SLC36A1: variants seen among roughly 807,000 people sequenced by gnomAD.
The protein encoded by SLC36A1 is solute carrier family 36 member 1.
Under a neutral mutation model 47.5 loss-of-function variants are expected in SLC36A1, and 30 were observed. That is an observed-to-expected ratio of 0.63 (90% CI 0.47 to 0.86). SLC36A1 has a LOEUF of 0.86. Among genes scored for constraint, SLC36A1 ranks in the 40% least tolerant of loss-of-function variants. The pLI, the probability that SLC36A1 is intolerant of heterozygous loss-of-function variation, is 0.00. For missense variants in SLC36A1, 517 were observed against 606.0 expected, an observed-to-expected ratio of 0.85 and a Z score of 1.54; for synonymous variants, 255 against 249.7, an observed-to-expected ratio of 1.02 and a Z score of -0.20.
chr5:151,470,199 A>G (rs926821119), intron 7 of SLC36A1, among the ~76,000 whole-genome samples: 3 of 152,328 alleles, frequency 2.0e-5, no homozygotes, highest in East Asian at 1.9e-4. Flanking sequence ...TCATGTTGTA[A>G]TTAGAACTCT....
At chr5:151,517,604 GCTGGCAGTGCCT>G in the SLC36A1 span, 1 of 1,613,550 alleles carries the variant, frequency 6.2e-7, no homozygotes, top group Non-Finnish European at 8.5e-7. Flanking sequence ...AATCTCTCAG[GCTGGCAGTGCCT>G]TACCTTCAGG....
chr5:151,371,505 T>A, the SLC36A1 span, among the ~76,000 whole-genome samples: 28 of 152,200 alleles, frequency 1.8e-4, no homozygotes, highest in South Asian at 4.1e-4. Flanking sequence ...CTTTTTTTGA[T>A]GTCACATTAT....
chr5:151,358,762 A>T, the SLC36A1 span, among the ~76,000 whole-genome samples: 1 of 151,982 alleles, frequency 6.6e-6, no homozygotes, highest in East Asian at 1.9e-4. Flanking sequence ...TCATGAGGTC[A>T]GGAGATCGAG....
chr5:151,529,493 G>T, the SLC36A1 span: 2 of 928,602 alleles, frequency 2.2e-6, no homozygotes, highest in Non-Finnish European at 3.4e-6. Context: ...GCTCAACAGG[G>T]CTAGGCAAGG....
the SLC36A1 span, among the ~76,000 whole-genome samples, chr5:151,498,856 A>G: frequency 6.6e-6 from 1 of 152,266 alleles, no homozygotes; most frequent in South Asian, 2.1e-4. Context: ...TTCAGTCAGA[A>G]CTTTACAGCT....
the SLC36A1 span, among the ~76,000 whole-genome samples, chr5:151,420,421 G>C: frequency 6.6e-6 from 1 of 152,158 alleles, no homozygotes; most frequent in Non-Finnish European, 1.5e-5. Context: ...TAGGCCTCCT[G>C]ACTCCCATAA....
the SLC36A1 span, chr5:151,366,405 T>C: frequency 1.1e-5 from 2 of 183,816 alleles, no homozygotes; most frequent in Non-Finnish European, 2.4e-5. Flanking sequence ...AAGGTGCCAG[T>C]GGAGTTTGGA....
chr5:151,488,014 C>G lies in SLC36A1; in HGVS notation c.1191C>G (p.Asp397Glu). ...CILAILIPRL[D>E]LVISLVGSVS... ...TGGCCATCCTCATCCCCCGCCTGGA[C>G]CTGGTCATCTCCCTGGTGGGCTCCG... Residue 397 changes from aspartate (D) to glutamate (E), a missense_variant, in exon 11 of 11, where the codon GAC becomes GAG. Coordinates refer to ENST00000243389, the MANE Select transcript of SLC36A1 (RefSeq NM_078483.4). 1 of 1,614,138 alleles carries G rather than the reference C, an allele frequency of 6.2e-7. No homozygotes were observed. Among genetic ancestry groups the G allele is most frequent in the Non-Finnish European group, 8.5e-7 (1 of 1,180,032 alleles).
intron 1 of SLC36A1, among the ~76,000 whole-genome samples, chr5:151,450,405 C>G (rs561084024): frequency 7.3e-5 from 11 of 151,642 alleles, no homozygotes; most frequent in African/African-American, 2.7e-4. Context: ...TGTCCACTTA[C>G]TAGCATGTAG....
At chr5:151,380,595 C>T in the SLC36A1 span, 4 of 548,976 alleles carry the variant, frequency 7.3e-6, no homozygotes, top group Non-Finnish European at 1.5e-5. Context: ...ACATCAGTTC[C>T]CTGTCCACTG....
chr5:151,502,796 T>A, the SLC36A1 span, among the ~76,000 whole-genome samples: 1 of 148,334 alleles, frequency 6.7e-6, no homozygotes, highest in Non-Finnish European at 1.5e-5. Flanking sequence ...CACAGATGTT[T>A]ATAGCAGTTG....
the SLC36A1 span, among the ~76,000 whole-genome samples, chr5:151,358,529 C>T: frequency 1.3e-5 from 2 of 152,164 alleles, no homozygotes; most frequent in African/African-American, 2.4e-5. Flanking sequence ...GCTAGGATTA[C>T]AGGTTTAGTT....
chr5:151,547,537 G>A, the SLC36A1 span, among the ~76,000 whole-genome samples: 1 of 152,186 alleles, frequency 6.6e-6, no homozygotes, highest in African/African-American at 2.4e-5. Flanking sequence ...TCAGTGGCAA[G>A]GCAAATGGCT....
chr5:151,521,672 C>T, the SLC36A1 span: 17 of 1,613,888 alleles, frequency 1.1e-5, no homozygotes, highest in Non-Finnish European at 1.3e-5. Context: ...ACCAGCTCCT[C>T]GGGGGTGAGC....
the SLC36A1 span, chr5:151,550,551 A>G: frequency 6.2e-7 from 1 of 1,607,682 alleles, no homozygotes; most frequent in Non-Finnish European, 8.5e-7. Flanking sequence ...ACACATCTAC[A>G]TGCAAACGTA....
At chr5:151,375,569 T>C in the SLC36A1 span, among the ~76,000 whole-genome samples, 1 of 152,100 alleles carries the variant, frequency 6.6e-6, no homozygotes, top group Non-Finnish European at 1.5e-5. Flanking sequence ...TCCATATAAA[T>C]TTTAAGGTTT....
At chr5:151,508,844 C>T in the SLC36A1 span, among the ~76,000 whole-genome samples, 1 of 152,112 alleles carries the variant, frequency 6.6e-6, no homozygotes, top group Non-Finnish European at 1.5e-5. Context: ...TATACACAGG[C>T]TAATAGCAAA....
the SLC36A1 span, among the ~76,000 whole-genome samples, chr5:151,539,460 T>C: frequency 6.6e-6 from 1 of 152,236 alleles, no homozygotes; most frequent in Non-Finnish European, 1.5e-5. Flanking sequence ...TGGTTGATTG[T>C]GCTAGGTATA....
chr5:151,504,643 T>C, the SLC36A1 span: 2 of 152,660 alleles, frequency 1.3e-5, no homozygotes, highest in Non-Finnish European at 2.9e-5. Flanking sequence ...AAAAATCCCA[T>C]TGAGGAAACT....
Sources: gnomAD v4.1 joint callset for allele counts (sites outside exome capture counted in the v4.1 genomes callset) on GRCh38, gnomAD v4.1.1 for gene constraint, MANE v1.5 for transcripts, NCBI Gene and HGNC (gene_info 2026-07-23, HGNC 2026-07-21) for gene names.